Variants in LRIG3 observed in about 807,000 individuals in gnomAD.
LRIG3 encodes the protein leucine rich repeats and immunoglobulin like domains 3.
LRIG3 carries 76 observed loss-of-function variants against 114.5 expected under a neutral mutation model. The ratio of observed to expected loss-of-function variants is 0.66; its 90% confidence interval spans 0.55 to 0.80. The LOEUF (loss-of-function observed/expected upper bound fraction) is 0.80, where lower values mean the gene tolerates loss of function less well. Ranked by LOEUF, LRIG3 falls within the 30% of genes least tolerant of loss-of-function variation. The probability of loss-of-function intolerance (pLI) is 0.00; values close to 1 mark genes in which losing one functional copy is unlikely to be tolerated. For synonymous variants in LRIG3, 512 were observed against 519.8 expected, an observed-to-expected ratio of 0.98 and a Z score of 0.20; for missense variants, 1,239 against 1,382.8, an observed-to-expected ratio of 0.90 and a Z score of 1.65.
chr12:58,887,649 A>G (rs899176049), intron 8 of LRIG3, 140 bp downstream of exon 8: 4 of 860,900 alleles, frequency 4.6e-6, no homozygotes, highest in Admixed American at 2.3e-5. Flanking sequence ...ATTGTAATCA[A>G]ACTGATCTGG....
intron 1 of LRIG3, chr12:58,919,380 T>C (rs1872588743): frequency 2.6e-6 from 4 of 1,551,184 alleles, no homozygotes; most frequent in Middle Eastern, 1.7e-4. Flanking sequence ...GCCCTTTCCA[T>C]AGCTACCGAC....
rs967182223 is a variant in LRIG3, at chr12:58,916,367, G to GA, written c.237-2032dup. 2.4e-4 allele frequency among the ~76,000 whole-genome samples: 36 copies of GA among 151,498 alleles called. No individual in the cohort carries two copies. The South Asian group carries it at 4.6e-3, about 19-fold the overall frequency. On this transcript the variant is annotated intron_variant, in intron 1 of 18. Transcript: ENST00000320743. Reference sequence around the variant, plus strand: ...ATTAAAACTACATTATATGTAGGAGGAAAAAAAACACCCCTTAAATGACAT... The same window carrying GA: ...ATTAAAACTACATTATATGTAGGAGGAAAAAAAAACACCCCTTAAATGACAT...
chr12:58,911,621 G>A (rs1354938371), intron 3 of LRIG3, among the ~76,000 whole-genome samples: 1 of 152,122 alleles, frequency 6.6e-6, no homozygotes, highest in African/African-American at 2.4e-5. Context: ...TAATTGTGAC[G>A]CTACAGCAAG....
intron 13 of LRIG3, chr12:58,880,332 A>T: frequency 3.2e-6 from 2 of 616,134 alleles, no homozygotes; most frequent in East Asian, 3.1e-5. Flanking sequence ...AAAAAAAAAG[A>T]GCAAAAACAT....
intron 16 of LRIG3, among the ~76,000 whole-genome samples, chr12:58,874,913 G>A (rs1466526683): frequency 6.6e-6 from 1 of 152,160 alleles, no homozygotes; most frequent in Non-Finnish European, 1.5e-5. Flanking sequence ...TTGGCACTTG[G>A]CCAATGACCT....
intron 13 of LRIG3, 86 bp downstream of exon 13, chr12:58,880,495 C>G: frequency 7.6e-7 from 1 of 1,316,500 alleles, no homozygotes; most frequent in South Asian, 1.3e-5. Flanking sequence ...GAAGAAAAGA[C>G]AGGGTTAAGA....
In LRIG3 at chr12:58,914,336, C is replaced by T. The variant is rs1167876796; in HGVS notation, c.237G>A (p.Leu79=). 1.2e-6 allele frequency: 2 copies of T among 1,611,076 alleles called. No individual in the cohort carries two copies. The highest frequency in any genetic ancestry group is 2.2e-5 in the East Asian group (1 of 44,834). ...PEPLPSWVAR[L]DLSHNRLSFI... is the part of the protein sequence containing the mutation. The stretch of plus-strand genomic sequence containing the variant: ...AAGATAATCTGTTGTGACTTAAGTC[C>T]CTATAAGAAAACAAAAATAAAATTA... Residue 79 remains leucine, a splice_region_variant and synonymous_variant, in exon 2 of 19, where the codon CTG becomes CTA. Transcript: ENST00000320743.
chr12:58,872,888 T>G, intron 18 of LRIG3, 72 bp from the exon 19 acceptor site: 13 of 1,541,768 alleles, frequency 8.4e-6, no homozygotes, highest in Admixed American at 2.0e-5. Context: ...CCATTGCAAA[T>G]GAAGGAACAT....
chr12:58,882,947 C>A lies in LRIG3; in HGVS notation c.1402G>T (p.Val468Leu). 6.2e-7 allele frequency: 1 copy of A among 1,614,128 alleles called. No homozygotes were observed. The highest frequency in any genetic ancestry group is 1.1e-5 in the South Asian group (1 of 91,082). The stretch of plus-strand genomic sequence containing the variant: ...TGAGGATGGGCACAACTGGCATTTA[C>A]AAAGCTCTGAAAGTTGTTTTCCGCC... ...WVAENNFQSF[V>L]NASCAHPQLL... is the part of the protein sequence containing the mutation. The change falls in exon 12 of 19, where the codon GTA becomes TTA. Residue 468 changes from valine to leucine, a missense_variant. Physicochemically the swap from Val to Leu is conservative, Grantham distance 32 (BLOSUM62 1). Coordinates refer to ENST00000320743, the MANE Select transcript of LRIG3 (RefSeq NM_153377.5).
rs568843105 is a variant in LRIG3 at position 58,889,908 on chromosome 12, C to T, written c.659+88G>A. On this transcript the variant is annotated intron_variant, in intron 5 of 18. Transcript: ENST00000320743. ...GCAGCTACATCCTTGCTCCTAAACTCCTTTTTGCCACATTGTAGATTTTAA... is the reference window on the plus strand; with the variant it reads ...GCAGCTACATCCTTGCTCCTAAACTTCTTTTTGCCACATTGTAGATTTTAA... 1.1e-4 allele frequency: 170 copies of T among 1,497,118 alleles called. 1 individual carries two copies. The highest frequency in any genetic ancestry group is 8.2e-4 in the South Asian group (61 of 74,518). The allele number at this position is 1,497,118 out of a possible 1,614,324, so 92.7% of individuals were successfully genotyped here.
intron 3 of LRIG3, among the ~76,000 whole-genome samples, chr12:58,892,809 C>T (rs1257499897): frequency 1.3e-5 from 2 of 152,232 alleles, no homozygotes; most frequent in Non-Finnish European, 2.9e-5. Flanking sequence ...TTCAAGCATT[C>T]CCGAGCCAGC....
intron 1 of LRIG3, 173 bp from the exon 2 acceptor site, chr12:58,914,509 A>T (rs1872404504): frequency 1.8e-6 from 1 of 568,776 alleles, no homozygotes; most frequent in Admixed American, 3.1e-5. Context: ...ACAAGCTCCA[A>T]GGACAAAATT....
At chr12:58,905,507 G>A (rs1409236682) in intron 3 of LRIG3, among the ~76,000 whole-genome samples, 1 of 152,200 alleles carries the variant, frequency 6.6e-6, no homozygotes, top group Non-Finnish European at 1.5e-5. Context: ...TGGTTTGTAT[G>A]TACTGGTGAA....
chr12:58,885,753 T>C, intron 10 of LRIG3, 78 bp downstream of exon 10: 1 of 945,588 alleles, frequency 1.1e-6, no homozygotes, highest in South Asian at 1.6e-5. Flanking sequence ...CATTCCAGTT[T>C]GTTTTATCTT....
intron 3 of LRIG3, among the ~76,000 whole-genome samples, chr12:58,906,951 TAAAA>T (rs77233148): frequency 3.0e-5 from 4 of 132,782 alleles, no homozygotes; most frequent in East Asian, 4.3e-4. Context: ...TTCCCCTGCT[TAAAA>T]AAAAAAAAAA....
Position 58,888,443 on chromosome 12 carries a change from ATC to A in LRIG3, c.831_832del (p.Glu277AspfsTer28). On this transcript the variant is annotated frameshift_variant, in exon 7 of 19. Transcript: ENST00000320743. LOFTEE classifies it high-confidence loss of function. The stretch of plus-strand genomic sequence containing the variant: ...CAAGCCGTAAAGCCAGCCTTTGGTA[ATC>A]TCTGTTAGGTTGTTATGGTCCAGCT... The A allele has an allele frequency of 6.2e-7, 1 of 1,613,838 alleles. No individual in the cohort carries two copies. Among genetic ancestry groups the A allele is most frequent in the Non-Finnish European group, 8.5e-7 (1 of 1,179,832 alleles).
Position 58,888,454 on chromosome 12 carries a change from G to C in LRIG3, c.822C>G (p.Asn274Lys), listed in dbSNP as rs1332758957. The change falls in exon 7 of 19, where the codon AAC becomes AAG. Residue 274 changes from asparagine to lysine, a missense_variant. By Grantham distance (94) the Asn-to-Lys change is moderately conservative (BLOSUM62 0). Coordinates refer to ENST00000320743, the MANE Select transcript of LRIG3 (RefSeq NM_153377.5). ...NMEILQLDHN[N>K]LTEITKGWLY... Reference sequence around the variant, plus strand: ...GCCAGCCTTTGGTAATCTCTGTTAGGTTGTTATGGTCCAGCTGCCTACATT... The same window carrying C: ...GCCAGCCTTTGGTAATCTCTGTTAGCTTGTTATGGTCCAGCTGCCTACATT... The C allele has an allele frequency of 1.3e-5, 21 of 1,613,694 alleles. No individual in the cohort carries two copies. The highest frequency in any genetic ancestry group is 1.8e-5 in the Non-Finnish European group (21 of 1,179,750).
At chr12:58,887,114 C>T (rs1871301867) in intron 8 of LRIG3, 3 of 489,866 alleles carry the variant, frequency 6.1e-6, no homozygotes, top group Non-Finnish European at 1.1e-5. Context: ...AAAGCTGACA[C>T]TGGCCCTATT....
At chr12:58,914,190 T>C (rs1872389584) in intron 2 of LRIG3, 75 bp downstream of exon 2, 2 of 1,516,128 alleles carry the variant, frequency 1.3e-6, no homozygotes, top group Non-Finnish European at 1.8e-6. Context: ...ATAATCCAAG[T>C]ATTCCTTACG....
Sources: gnomAD v4.1 joint callset for allele counts (sites outside exome capture counted in the v4.1 genomes callset) on GRCh38, gnomAD v4.1.1 for gene constraint, MANE v1.5 for transcripts, NCBI Gene and HGNC (gene_info 2026-07-23, HGNC 2026-07-21) for gene names.